The following UBE2N variants were observed in gnomAD, a reference collection of about 807,000 sequenced individuals.
UBE2N encodes the protein ubiquitin conjugating enzyme E2 N.
For synonymous variants in UBE2N, 70 were observed against 69.2 expected (o/e 1.01, Z -0.06); for missense variants, 60 against 192.1 (o/e 0.31, Z 4.07).
At chr12:93,441,256 C>G in intron 1 of UBE2N, 1 of 152,466 alleles carries the variant, frequency 6.6e-6, no homozygotes, top group Admixed American at 6.5e-5. Flanking sequence ...ACCCAGGCAG[C>G]CGCGGCAACC....
intron 1 of UBE2N, among the ~76,000 whole-genome samples, chr12:93,422,056 T>C (rs1483227026): frequency 6.6e-6 from 1 of 151,878 alleles, no homozygotes; most frequent in African/African-American, 2.4e-5. Context: ...TTTTTAAAGT[T>C]TTCTGGAAAG....
chr12:93,423,123 TC>T (rs1158449683), intron 1 of UBE2N, among the ~76,000 whole-genome samples: 1 of 152,216 alleles, frequency 6.6e-6, no homozygotes, highest in Non-Finnish European at 1.5e-5. Context: ...GCGCTTGACA[TC>T]AATAATCACA....
intron 1 of UBE2N, among the ~76,000 whole-genome samples, chr12:93,436,718 C>T (rs969946909): frequency 6.6e-6 from 1 of 152,022 alleles, no homozygotes; most frequent in Non-Finnish European, 1.5e-5. Flanking sequence ...GCCTCAGTCT[C>T]CCAAAGAGCT....
chr12:93,419,699 C>A (rs1384186427), intron 1 of UBE2N, among the ~76,000 whole-genome samples: 3 of 152,162 alleles, frequency 2.0e-5, no homozygotes, highest in Non-Finnish European at 2.9e-5. Flanking sequence ...GTTACTGTAC[C>A]CAAGTTTGCT....
At chr12:93,413,932 C>T (rs772015826) in intron 1 of UBE2N, among the ~76,000 whole-genome samples, 17 of 152,142 alleles carry the variant, frequency 1.1e-4, no homozygotes, top group Admixed American at 2.0e-4. Flanking sequence ...GAGGCCGAGG[C>T]GGGTGGATCA....
At chr12:93,434,008 T>C (rs993953162) in intron 1 of UBE2N, among the ~76,000 whole-genome samples, 1 of 152,198 alleles carries the variant, frequency 6.6e-6, no homozygotes, top group Non-Finnish European at 1.5e-5. Flanking sequence ...TGTTCTCTAA[T>C]GTGTAAAACT....
chr12:93,414,439 GCT>G, intron 1 of UBE2N, among the ~76,000 whole-genome samples: 1 of 125,798 alleles, frequency 7.9e-6, no homozygotes, highest in Non-Finnish European at 1.6e-5. Context: ...AAAGAGCGAA[GCT>G]CCGTCTCAAA....
intron 1 of UBE2N, among the ~76,000 whole-genome samples, chr12:93,432,882 A>G (rs1878811980): frequency 6.6e-6 from 1 of 152,036 alleles, no homozygotes; most frequent in Admixed American, 6.6e-5. Context: ...ATTCAAAACC[A>G]AAAATGTCTG....
At chr12:93,432,994 G>A (rs529582156) in intron 1 of UBE2N, among the ~76,000 whole-genome samples, 2 of 150,180 alleles carry the variant, frequency 1.3e-5, no homozygotes, top group East Asian at 3.9e-4. Flanking sequence ...GCAGTGGGGT[G>A]ATCTCCGCTC....
At chr12:93,433,057 C>T (rs537927888) in intron 1 of UBE2N, among the ~76,000 whole-genome samples, 22 of 151,818 alleles carry the variant, frequency 1.4e-4, no homozygotes, top group African/African-American at 3.1e-4. Context: ...CTCAGCCTCC[C>T]GACTAGCTGG....
chr12:93,436,938 T>C (rs1878951419), intron 1 of UBE2N, among the ~76,000 whole-genome samples: 1 of 152,066 alleles, frequency 6.6e-6, no homozygotes, highest in African/African-American at 2.4e-5. Context: ...TTAGGAAACA[T>C]TCTGAAAGTT....
intron 1 of UBE2N, among the ~76,000 whole-genome samples, chr12:93,416,026 A>T (rs1353387118): frequency 1.3e-5 from 2 of 152,232 alleles, no homozygotes; most frequent in Non-Finnish European, 2.9e-5. Flanking sequence ...ATTGGAACAC[A>T]TTCTAAAATA....
At chr12:93,428,801 T>C (rs1487254544) in intron 1 of UBE2N, among the ~76,000 whole-genome samples, 1 of 152,198 alleles carries the variant, frequency 6.6e-6, no homozygotes, top group Non-Finnish European at 1.5e-5. Flanking sequence ...TTGGCATCCT[T>C]GCCAATACAT....
intron 1 of UBE2N, among the ~76,000 whole-genome samples, chr12:93,427,226 C>T (rs909839362): frequency 2.6e-5 from 4 of 152,090 alleles, no homozygotes; most frequent in African/African-American, 9.7e-5. Context: ...AGCCATGAGA[C>T]AATTCTTATT....
At chr12:93,412,129 A>G (rs1427801846) in intron 1 of UBE2N, among the ~76,000 whole-genome samples, 1 of 152,232 alleles carries the variant, frequency 6.6e-6, no homozygotes, top group African/African-American at 2.4e-5. Context: ...TCTAAAATTG[A>G]CAATTAACTT....
Position 93,406,618 on chromosome 12 carries a change from T to C in UBE2N, c.*3421A>G, listed in dbSNP as rs1321800703. ...ACCAGACAAAATATTCCAAAAAACA[T>C]TGTGTCTGTAGTCAACATGTATATT... On this transcript the variant is annotated 3_prime_UTR_variant, in exon 4 of 4. Coordinates refer to ENST00000318066, the MANE Select transcript of UBE2N (RefSeq NM_003348.4). 2.0e-5 allele frequency: 3 copies of C among 152,282 alleles called. No homozygotes were observed. Among genetic ancestry groups the C allele is most frequent in the African/African-American group, 4.8e-5 (2 of 41,472 alleles). 9.4% of individuals were successfully genotyped at this position (152,282 alleles called of 1,614,324 possible).
intron 1 of UBE2N, among the ~76,000 whole-genome samples, chr12:93,434,058 C>T (rs540804844): frequency 2.0e-5 from 3 of 152,218 alleles, no homozygotes; most frequent in African/African-American, 7.2e-5. Flanking sequence ...TTTAGGAGGC[C>T]GAGGTGGGTG....
At chr12:93,422,612 A>T (rs1878450874) in intron 1 of UBE2N, among the ~76,000 whole-genome samples, 1 of 152,202 alleles carries the variant, frequency 6.6e-6, no homozygotes, top group Admixed American at 6.5e-5. Flanking sequence ...ATTTTTTAAA[A>T]GCCTGTTTTA....
chr12:93,415,433 G>A (rs1196769987), intron 1 of UBE2N, among the ~76,000 whole-genome samples: 1 of 152,126 alleles, frequency 6.6e-6, no homozygotes, highest in East Asian at 1.9e-4. Context: ...TTTTGATCAT[G>A]GCGATGTAAG....
Sources: allele counts gnomAD v4.1 joint callset (sites outside exome capture counted in the v4.1 genomes callset), GRCh38; gene constraint gnomAD v4.1.1; transcripts MANE v1.5; gene names NCBI Gene and HGNC (gene_info 2026-07-23, HGNC 2026-07-21).